CARMIL1: variants seen among roughly 807,000 people sequenced by gnomAD.
CARMIL1 encodes capping protein regulator and myosin 1 linker 1.
Under a neutral mutation model 177.1 loss-of-function variants are expected in CARMIL1, and 90 were observed. The observed-to-expected ratio is 0.51, with a 90% CI of 0.43 to 0.61. The LOEUF (loss-of-function observed/expected upper bound fraction) is 0.61. CARMIL1 is among the 20% of genes least tolerant of loss of function. CARMIL1 has a pLI of 0.00. For synonymous variants in CARMIL1, 577 were observed against 606.2 expected (o/e 0.95, Z 0.71); for missense variants, 1,380 against 1,667.0 (o/e 0.83, Z 3.00).
chr6:25,544,000 C>A (rs1582309284), intron 26 of CARMIL1, among the ~76,000 whole-genome samples: 1 of 152,000 alleles, frequency 6.6e-6, no homozygotes, highest in African/African-American at 2.4e-5. Context: ...AGAGATACAT[C>A]AAAACAAAAT....
chr6:25,404,030 T>C (rs1350214698), intron 2 of CARMIL1, among the ~76,000 whole-genome samples: 3 of 152,234 alleles, frequency 2.0e-5, no homozygotes, highest in Non-Finnish European at 2.9e-5. Flanking sequence ...AGTGCTAATC[T>C]AATTGAAATT....
chr6:25,529,886 C>G (rs1003129311), intron 24 of CARMIL1, among the ~76,000 whole-genome samples: 2 of 150,200 alleles, frequency 1.3e-5, no homozygotes, highest in Non-Finnish European at 3.0e-5. Flanking sequence ...CTGATGGACA[C>G]AAACTAAGCT....
chr6:25,470,680 T>G (rs1453988252), intron 9 of CARMIL1, among the ~76,000 whole-genome samples: 2 of 152,202 alleles, frequency 1.3e-5, no homozygotes, highest in Non-Finnish European at 2.9e-5. Context: ...CCAGCAGACT[T>G]GGTGTCTGGT....
chr6:25,305,273 G>A lies in CARMIL1; in HGVS notation c.138+20364G>A, dbSNP rs117015539. Among the ~76,000 whole-genome samples, 21 of 152,272 alleles carry A rather than the reference G, an allele frequency of 1.4e-4. No individual in the cohort carries two copies. In the East Asian group the frequency reaches 3.9e-3, roughly 28 times the overall value. On this transcript the variant is annotated intron_variant, in intron 2 of 36. Transcript: ENST00000329474. ...GGTCTGCAATTTTAGTTAATAGTGT[G>A]GGGCTGAAAAAGCCTTTTTCCAGGA...
intron 8 of CARMIL1, among the ~76,000 whole-genome samples, chr6:25,457,726 T>C (rs1219864432): frequency 1.3e-5 from 2 of 152,220 alleles, no homozygotes; most frequent in African/African-American, 4.8e-5. Context: ...GTGGCAGGGC[T>C]GTGCATTCTT....
intron 29 of CARMIL1, among the ~76,000 whole-genome samples, chr6:25,574,374 C>T (rs1307846417): frequency 6.6e-6 from 1 of 152,220 alleles, no homozygotes; most frequent in African/African-American, 2.4e-5. Flanking sequence ...TGCCAATATA[C>T]ACTGGAACAC....
At chr6:25,406,254 A>C (rs552903522) in intron 2 of CARMIL1, among the ~76,000 whole-genome samples, 25 of 152,212 alleles carry the variant, frequency 1.6e-4, no homozygotes, top group Non-Finnish European at 2.6e-4. Flanking sequence ...ATGAGTAGGC[A>C]TGAGCCAGGT....
rs1306648689 is a variant in CARMIL1, at chr6:25,554,489, T to C, written c.2592+393T>C. On this transcript the variant is annotated intron_variant, in intron 28 of 36. Transcript: ENST00000329474. This position sits in a 1 kb window ranked among gnomAD's most constrained non-coding sequence, Gnocchi z 4.6. ...AAAACATGGGAGAAAATAAAAATAT[T>C]TGAATAAAGAAAGTGCAAGAACAAA... Among the ~76,000 whole-genome samples the C allele has an allele frequency of 6.6e-6, 1 of 152,130 alleles. No homozygotes were observed. The highest frequency in any genetic ancestry group is 6.6e-5 in the Admixed American group (1 of 15,264).
chr6:25,613,535 G>C (rs1181731120), intron 36 of CARMIL1, among the ~76,000 whole-genome samples: 1 of 152,134 alleles, frequency 6.6e-6, no homozygotes. Context: ...GTTCAGGTGA[G>C]AACAATCCCA....
chr6:25,328,169 T>C (rs188662629), intron 2 of CARMIL1, among the ~76,000 whole-genome samples: 1 of 152,322 alleles, frequency 6.6e-6, no homozygotes. Flanking sequence ...TGCCAAGCTC[T>C]TGGGGGAAGA....
intron 23 of CARMIL1, among the ~76,000 whole-genome samples, chr6:25,520,921 T>C (rs920166743): frequency 2.0e-5 from 3 of 152,166 alleles, no homozygotes; most frequent in African/African-American, 7.2e-5. Context: ...ATCTTCATCC[T>C]TCTCTTTTTA....
At chr6:25,327,162 CCAAGGAGAGAGATAG>C (rs1053589673) in intron 2 of CARMIL1, among the ~76,000 whole-genome samples, 1 of 70,636 alleles carries the variant, frequency 1.4e-5, no homozygotes, top group Admixed American at 1.3e-4. Context: ...TGTGATATCA[CCAAGGAGAGAGATAG>C]CAAGGAGAGA....
intron 36 of CARMIL1, among the ~76,000 whole-genome samples, chr6:25,613,974 A>G (rs1480095571): frequency 6.6e-6 from 1 of 152,170 alleles, no homozygotes; most frequent in Non-Finnish European, 1.5e-5. Context: ...CCTTCTCTTT[A>G]TTGCAAAGGG....
chr6:25,306,476 T>C (rs564883314), intron 2 of CARMIL1, among the ~76,000 whole-genome samples: 3 of 152,256 alleles, frequency 2.0e-5, no homozygotes, highest in Admixed American at 2.0e-4. Context: ...TGGAACTTTT[T>C]CATCCTGAAA....
chr6:25,611,695 AG>A (rs1190611526), intron 36 of CARMIL1, among the ~76,000 whole-genome samples: 1 of 152,374 alleles, frequency 6.6e-6, no homozygotes, highest in Non-Finnish European at 1.5e-5. Flanking sequence ...AGAAGAAAAA[AG>A]ATCAGAAGGT....
In CARMIL1 at chr6:25,390,320, A is replaced by ATT. The variant is rs1287414586; in HGVS notation, c.139-29776_139-29775dup. Among the ~76,000 whole-genome samples the ATT allele has an allele frequency of 1.0e-3, 60 of 58,084 alleles. 1 individual carries two copies. Among genetic ancestry groups the ATT allele is most frequent in the African/African-American group, 2.4e-3 (39 of 16,186 alleles). The allele number at this position is 58,084 out of a possible 152,430, so 38.1% of individuals were successfully genotyped here. A position where few individuals can be genotyped will look rare whatever the true frequency, so the allele number is the denominator to read the frequency against. ...TATATATATATATATATATATATAT[A>ATT]TTTTTTTTTTTTTTTTTTTGAGACA... On this transcript the variant is annotated intron_variant, in intron 2 of 36. Transcript: ENST00000329474.
At chr6:25,304,775 C>T (rs1009977039) in intron 2 of CARMIL1, among the ~76,000 whole-genome samples, 3 of 152,184 alleles carry the variant, frequency 2.0e-5, no homozygotes, top group Non-Finnish European at 4.4e-5. Context: ...ATGTTCCCTG[C>T]TCATATATCA....
At chr6:25,453,322 G>A (rs1014900581) in intron 8 of CARMIL1, among the ~76,000 whole-genome samples, 7 of 151,454 alleles carry the variant, frequency 4.6e-5, no homozygotes, top group African/African-American at 1.7e-4. Context: ...GATTTTAGAG[G>A]GAATGTCTAC....
chr6:25,530,361 A>C (rs902000324), intron 24 of CARMIL1, among the ~76,000 whole-genome samples: 1 of 152,082 alleles, frequency 6.6e-6, no homozygotes, highest in Admixed American at 6.5e-5. Context: ...CATACAAAAG[A>C]AAAAGTAGCC....
Sources: gnomAD v4.1 joint callset for allele counts (sites outside exome capture counted in the v4.1 genomes callset) on GRCh38, gnomAD v4.1.1 for gene constraint, Gnocchi (gnomAD v3.1) non-coding constraint, MANE v1.5 for transcripts, NCBI Gene and HGNC (gene_info 2026-07-23, HGNC 2026-07-21) for gene names.